The following LARGE1 variants were observed in gnomAD, a reference collection of about 807,000 sequenced individuals.
LARGE1 encodes the protein LARGE xylosyl- and glucuronyltransferase 1, also known as xylosyl- and glucuronyltransferase LARGE1.
In LARGE1, 43 loss-of-function variants were observed where a neutral mutation model predicts 87.6. The ratio of observed to expected loss-of-function variants is 0.49; its 90% confidence interval spans 0.38 to 0.63. The LOEUF (loss-of-function observed/expected upper bound fraction) is 0.63. Ranked by LOEUF, LARGE1 falls within the 30% of genes least tolerant of loss-of-function variation. The pLI, the probability that LARGE1 is intolerant of heterozygous loss-of-function variation, is 0.00. For synonymous variants in LARGE1, 434 were observed against 394.6 expected, an observed-to-expected ratio of 1.10 and a Z score of -1.18; for missense variants, 802 against 1,000.2, an observed-to-expected ratio of 0.80 and a Z score of 2.67.
chr22:33,365,667 T>G (rs1375156860), intron 9 of LARGE1, among the ~76,000 whole-genome samples: 1 of 150,956 alleles, frequency 6.6e-6, no homozygotes, highest in South Asian at 2.1e-4. Context: ...TAGGCTGGAG[T>G]GCAGTGGCAC....
Position 33,650,223 on chromosome 22 carries a change from C to T in LARGE1, c.408+144G>A, listed in dbSNP as rs5994783. On this transcript the variant is annotated intron_variant, in intron 3 of 14. Coordinates refer to ENST00000397394, the MANE Select transcript of LARGE1 (RefSeq NM_133642.5). ...TTGTCAGACCATTGAGCAAAGTTAGCGAGCAAGCCAGACTTACACACCCGG... is the reference window on the plus strand; with the variant it reads ...TTGTCAGACCATTGAGCAAAGTTAGTGAGCAAGCCAGACTTACACACCCGG... 28,454 of 1,017,814 alleles carry T rather than the reference C, an allele frequency of 0.028. 4,493 individuals carry two copies. The African/African-American group carries it at 0.37, about 13-fold the overall frequency. 63.0% of individuals were successfully genotyped at this position (1,017,814 alleles called of 1,614,324 possible). A position where few individuals can be genotyped will look rare whatever the true frequency, so the allele number is the denominator to read the frequency against.
intron 4 of LARGE1, among the ~76,000 whole-genome samples, chr22:33,622,441 C>G (rs575473783): frequency 6.6e-6 from 1 of 152,322 alleles, no homozygotes; most frequent in African/African-American, 2.4e-5. Context: ...TCAATTAAAC[C>G]CCTTTCCTTT....
At chr22:33,326,823 C>T (rs1247689097) in intron 10 of LARGE1, among the ~76,000 whole-genome samples, 5 of 152,310 alleles carry the variant, frequency 3.3e-5, no homozygotes, top group African/African-American at 1.2e-4. Context: ...GTGTAAGTTG[C>T]AGCTGAACAG....
At chr22:33,134,867 C>G in the LARGE1 span, among the ~76,000 whole-genome samples, 2 of 152,170 alleles carry the variant, frequency 1.3e-5, no homozygotes, top group African/African-American at 4.8e-5. Context: ...CTTCCTGGAC[C>G]CAGATTTCTT....
rs114983933 is a variant in LARGE1 at position 33,791,191 on chromosome 22, A to T, written c.-82-29633T>A. Among the ~76,000 whole-genome samples, 805 of 152,336 alleles carry T rather than the reference A, an allele frequency of 5.3e-3. 6 individuals carry two copies. The highest frequency in any genetic ancestry group is 0.018 in the African/African-American group (766 of 41,580). On this transcript the variant is annotated intron_variant, in intron 1 of 14. Coordinates refer to ENST00000397394, the MANE Select transcript of LARGE1 (RefSeq NM_133642.5). The stretch of plus-strand genomic sequence containing the variant: ...AAATTAAAATGTCTTTGTGCTGTAC[A>T]CTGGAAAGGCTGTAGCCACCTTTAA...
At chr22:33,315,280 T>C (rs1460404658) in intron 11 of LARGE1, among the ~76,000 whole-genome samples, 1 of 152,204 alleles carries the variant, frequency 6.6e-6, no homozygotes, top group Non-Finnish European at 1.5e-5. Flanking sequence ...GATGTGAACG[T>C]GTTATACAAC....
At chr22:33,778,425 T>C (rs143232015) in intron 1 of LARGE1, among the ~76,000 whole-genome samples, 6 of 152,302 alleles carry the variant, frequency 3.9e-5, no homozygotes, top group Middle Eastern at 6.8e-3. Flanking sequence ...CACTCCTTTA[T>C]CTAATTCTAA....
At chr22:33,376,501 G>T (rs2064998972) in intron 9 of LARGE1, among the ~76,000 whole-genome samples, 1 of 152,188 alleles carries the variant, frequency 6.6e-6, no homozygotes, top group Non-Finnish European at 1.5e-5. Context: ...CATCACCAGA[G>T]ACATTCAAAC....
At chr22:33,569,833 G>T (rs1001984756) in intron 5 of LARGE1, among the ~76,000 whole-genome samples, 1 of 152,162 alleles carries the variant, frequency 6.6e-6, no homozygotes, top group Non-Finnish European at 1.5e-5. Context: ...TCCTGCACTT[G>T]ACTGAAACTC....
intron 6 of LARGE1, among the ~76,000 whole-genome samples, chr22:33,546,981 T>G (rs2077377184): frequency 6.6e-6 from 1 of 152,236 alleles, no homozygotes; most frequent in South Asian, 2.1e-4. Flanking sequence ...ATAGTGGAGA[T>G]GGTTGTAATC....
chr22:33,822,510 C>CT (rs1422359951), intron 1 of LARGE1, among the ~76,000 whole-genome samples: 4 of 152,190 alleles, frequency 2.6e-5, no homozygotes, highest in Non-Finnish European at 5.9e-5. Flanking sequence ...ACCAGCCTGG[C>CT]CAACATGGTG....
intron 6 of LARGE1, among the ~76,000 whole-genome samples, chr22:33,497,052 T>C (rs2070163215): frequency 6.6e-6 from 1 of 151,212 alleles, no homozygotes; most frequent in South Asian, 2.1e-4. Context: ...AAACTAGTTC[T>C]GCTATTTTCT....
chr22:33,445,450 A>G (rs1044207496), intron 6 of LARGE1, among the ~76,000 whole-genome samples: 1 of 152,128 alleles, frequency 6.6e-6, no homozygotes, highest in Non-Finnish European at 1.5e-5. Context: ...AGACATCTGA[A>G]GGAAATCGGG....
chr22:33,911,358 G>A (rs185460988), intron 1 of LARGE1, among the ~76,000 whole-genome samples: 30 of 152,246 alleles, frequency 2.0e-4, no homozygotes, highest in African/African-American at 3.1e-4. Context: ...CCTTACAGAC[G>A]GAAGGCATCA....
chr22:33,507,704 G>A (rs2070831710), intron 6 of LARGE1, among the ~76,000 whole-genome samples: 1 of 152,170 alleles, frequency 6.6e-6, no homozygotes, highest in Non-Finnish European at 1.5e-5. Context: ...GGTTACAATG[G>A]TAAAATTTTG....
chr22:33,863,862 G>A (rs1357275410), intron 1 of LARGE1, among the ~76,000 whole-genome samples: 1 of 152,158 alleles, frequency 6.6e-6, no homozygotes, highest in African/African-American at 2.4e-5. Context: ...AAGTAACCCA[G>A]GGTTTTGAGG....
chr22:33,152,579 T>A, the LARGE1 span, among the ~76,000 whole-genome samples: 2 of 152,100 alleles, frequency 1.3e-5, no homozygotes, highest in African/African-American at 2.4e-5. Flanking sequence ...TATATTTAAA[T>A]TTTTTAATGG....
intron 1 of LARGE1, among the ~76,000 whole-genome samples, chr22:33,846,514 C>A (rs1416652443): frequency 2.6e-5 from 4 of 152,260 alleles, no homozygotes; most frequent in Non-Finnish European, 5.9e-5. Flanking sequence ...GAAAAAAGAA[C>A]AGGATAACAG....
At chr22:33,797,942 G>A (rs952453965) in intron 1 of LARGE1, among the ~76,000 whole-genome samples, 1 of 152,144 alleles carries the variant, frequency 6.6e-6, no homozygotes, top group African/African-American at 2.4e-5. Context: ...CATGAATTAC[G>A]TAAAGCAATA....
Sources: allele counts gnomAD v4.1 joint callset (sites outside exome capture counted in the v4.1 genomes callset), GRCh38; gene constraint gnomAD v4.1.1; transcripts MANE v1.5; gene names NCBI Gene and HGNC (gene_info 2026-07-23, HGNC 2026-07-21).